Variants in HSD17B12 observed in about 807,000 individuals in gnomAD.
The protein encoded by HSD17B12 is hydroxysteroid 17-beta dehydrogenase 12.
A neutral mutation model predicts 39.3 loss-of-function variants in HSD17B12; 32 were observed. That is an observed-to-expected ratio of 0.81 (90% CI 0.61 to 1.09). The LOEUF (loss-of-function observed/expected upper bound fraction) is 1.09. Among genes scored for constraint, HSD17B12 ranks in the 50% least tolerant of loss-of-function variants. The probability of loss-of-function intolerance (pLI) is 0.00; values close to 1 mark genes in which losing one functional copy is unlikely to be tolerated. For missense variants in HSD17B12, 342 were observed against 382.9 expected, an observed-to-expected ratio of 0.89 and a Z score of 0.89; for synonymous variants, 150 against 146.7, an observed-to-expected ratio of 1.02 and a Z score of -0.16.
intron 3 of HSD17B12, among the ~76,000 whole-genome samples, chr11:43,769,975 C>T (rs1950633633): frequency 6.6e-6 from 1 of 152,202 alleles, no homozygotes; most frequent in Non-Finnish European, 1.5e-5. Flanking sequence ...TTATTGCTTC[C>T]TTCCAACAAA....
At chr11:43,724,982 C>T (rs925602757) in intron 1 of HSD17B12, among the ~76,000 whole-genome samples, 2 of 152,164 alleles carry the variant, frequency 1.3e-5, no homozygotes, top group Non-Finnish European at 2.9e-5. Context: ...TCACTTATCT[C>T]TGTAACAAAT....
chr11:43,686,573 T>A (rs1293182054), intron 1 of HSD17B12, among the ~76,000 whole-genome samples: 2 of 149,804 alleles, frequency 1.3e-5, no homozygotes, highest in Admixed American at 6.8e-5. Context: ...CCCTCCCGAC[T>A]AGCCCCCATT....
intron 3 of HSD17B12, among the ~76,000 whole-genome samples, chr11:43,778,841 T>G (rs1016323305): frequency 3.3e-5 from 5 of 152,242 alleles, no homozygotes; most frequent in Non-Finnish European, 7.3e-5. Context: ...AGTTTTTCTC[T>G]TTACAAGTAT....
At chr11:43,580,176 TGGAGGAAGAGGGAG>T in the HSD17B12 span, among the ~76,000 whole-genome samples, 179 of 144,034 alleles carry the variant, frequency 1.2e-3, no homozygotes, top group East Asian at 2.5e-3. Context: ...CCGAGCGGGA[TGGAGGAAGAGGGAG>T]GGAGGAAGAG....
chr11:43,799,708 A>G (rs529479333), intron 4 of HSD17B12, among the ~76,000 whole-genome samples: 3 of 152,318 alleles, frequency 2.0e-5, no homozygotes, highest in South Asian at 4.1e-4. Flanking sequence ...TAATTTTTAA[A>G]AACATTTTCT....
At chr11:43,629,157 T>C in the HSD17B12 span, among the ~76,000 whole-genome samples, 1 of 152,200 alleles carries the variant, frequency 6.6e-6, no homozygotes, top group Non-Finnish European at 1.5e-5. Context: ...GAAACATCTT[T>C]ATTCCTCTCT....
At chr11:43,618,312 T>C in the HSD17B12 span, among the ~76,000 whole-genome samples, 3 of 152,218 alleles carry the variant, frequency 2.0e-5, no homozygotes, top group East Asian at 1.9e-4. Context: ...GATCCTGGGT[T>C]AGAATTTTTT....
At chr11:43,798,553 G>A in intron 4 of HSD17B12, 126 bp downstream of exon 4, 1 of 590,272 alleles carries the variant, frequency 1.7e-6, no homozygotes, top group Admixed American at 3.2e-5. Context: ...CATTATCAGT[G>A]AATAATATCA....
chr11:43,699,429 AGAT>A (rs971845271), intron 1 of HSD17B12, among the ~76,000 whole-genome samples: 1 of 152,194 alleles, frequency 6.6e-6, no homozygotes, highest in Non-Finnish European at 1.5e-5. Flanking sequence ...AGTACCTTTT[AGAT>A]ATCTGTAGCA....
At chr11:43,606,663 C>T in the HSD17B12 span, among the ~76,000 whole-genome samples, 3,354 of 152,264 alleles carry the variant, frequency 0.022, 129 homozygotes, top group African/African-American at 0.075. Context: ...AGGACTGTTC[C>T]CTTCTAGTGC....
chr11:43,819,369 G>T (rs1404678787), intron 6 of HSD17B12, among the ~76,000 whole-genome samples: 1 of 152,118 alleles, frequency 6.6e-6, no homozygotes, highest in Non-Finnish European at 1.5e-5. Context: ...TAATCTGTGA[G>T]AATCAGTCAT....
intron 1 of HSD17B12, among the ~76,000 whole-genome samples, chr11:43,716,042 A>T (rs1330034462): frequency 6.6e-6 from 1 of 152,200 alleles, no homozygotes; most frequent in African/African-American, 2.4e-5. Flanking sequence ...TTTATGTGAA[A>T]AGAAGAGGAA....
intron 1 of HSD17B12, among the ~76,000 whole-genome samples, chr11:43,688,084 C>A (rs1949818463): frequency 6.6e-6 from 1 of 152,072 alleles, no homozygotes; most frequent in African/African-American, 2.4e-5. Flanking sequence ...TGGTGGTATG[C>A]ACCTGTAGTC....
chr11:43,646,718 G>A, the HSD17B12 span, among the ~76,000 whole-genome samples: 6,670 of 152,262 alleles, frequency 0.044, 249 homozygotes, highest in South Asian at 0.11. Context: ...TTTGCCAGTA[G>A]TCACATCTCT....
the HSD17B12 span, among the ~76,000 whole-genome samples, chr11:43,655,203 GTT>G: frequency 6.6e-6 from 1 of 152,136 alleles, no homozygotes; most frequent in African/African-American, 2.4e-5. Context: ...TTGGCTCTCT[GTT>G]TGTCTGTTAT....
intron 9 of HSD17B12, among the ~76,000 whole-genome samples, chr11:43,846,950 T>C (rs989323165): frequency 3.3e-5 from 5 of 152,226 alleles, no homozygotes; most frequent in African/African-American, 1.2e-4. Context: ...ACACAGAGCC[T>C]CTGCTGTGGT....
chr11:43,584,106 C>G, the HSD17B12 span, among the ~76,000 whole-genome samples: 4 of 152,142 alleles, frequency 2.6e-5, no homozygotes, highest in Non-Finnish European at 4.4e-5. Flanking sequence ...TCTGACCACA[C>G]CCTGGGTGAT....
chr11:43,676,651 A>G (rs1949697158), upstream of HSD17B12, among the ~76,000 whole-genome samples: 1 of 152,202 alleles, frequency 6.6e-6, no homozygotes, highest in African/African-American at 2.4e-5. Context: ...TAATTAGAAC[A>G]CAATAATATT....
the HSD17B12 span, among the ~76,000 whole-genome samples, chr11:43,606,460 A>G: frequency 2.0e-5 from 3 of 152,230 alleles, no homozygotes. Flanking sequence ...TTATCAATAA[A>G]CAATCATCCT....
Sources: gnomAD v4.1 joint callset for allele counts (sites outside exome capture counted in the v4.1 genomes callset) on GRCh38, gnomAD v4.1.1 for gene constraint, MANE v1.5 for transcripts, NCBI Gene and HGNC (gene_info 2026-07-23, HGNC 2026-07-21) for gene names.